Variants in IRGM observed in about 807,000 individuals in gnomAD.
IRGM encodes immunity-related GTPase family M protein.
For missense variants in IRGM, 288 were observed against 219.9 expected (o/e 1.31, Z -1.96); for synonymous variants, 98 against 80.6 (o/e 1.22, Z -1.16).
At position 150,846,601 on chromosome 5, in the gene IRGM, C is replaced by G. The variant is rs545401578; in HGVS notation, c.-1035C>G. The G allele has an allele frequency of 7.2e-5, 11 of 151,942 alleles. No individual in the cohort carries two copies. The highest frequency in any genetic ancestry group is 1.2e-4 in the African/African-American group (5 of 41,208). The allele number at this position is 151,942 out of a possible 1,614,324, so 9.4% of individuals were successfully genotyped here. A position where few individuals can be genotyped will look rare whatever the true frequency, so the allele number is the denominator to read the frequency against. Reference sequence around the variant, plus strand: ...GCAGTAAATCTTGCTGCTGCTCATTCTTTGGGTCCACACTGCCTTTATGAG... The same window carrying G: ...GCAGTAAATCTTGCTGCTGCTCATTGTTTGGGTCCACACTGCCTTTATGAG... On this transcript the variant is annotated 5_prime_UTR_variant, in exon 1 of 2. Coordinates refer to ENST00000522154, the MANE Select transcript of IRGM (RefSeq NM_001145805.2).
At chr5:150,854,047 C>G (rs1471024929) in intron 1 of IRGM, among the ~76,000 whole-genome samples, 1 of 151,906 alleles carries the variant, frequency 6.6e-6, no homozygotes, top group African/African-American at 2.4e-5. Flanking sequence ...TATAGTGACA[C>G]ATTTTGATTA....
chr5:150,867,850 ATTTCT>A (rs1249329891), intron 1 of IRGM, among the ~76,000 whole-genome samples: 2 of 145,404 alleles, frequency 1.4e-5, no homozygotes, highest in Non-Finnish European at 3.0e-5. Flanking sequence ...TTTCTTGCTG[ATTTCT>A]TTTAGTTCCT....
At chr5:150,851,231 G>A (rs138602312), downstream of IRGM, among the ~76,000 whole-genome samples, 6 of 152,224 alleles carry the variant, frequency 3.9e-5, no homozygotes, top group Admixed American at 1.3e-4. Flanking sequence ...CCCTCCTACC[G>A]TTGGTCTTGA....
At chr5:150,895,413 T>C in intron 3 of IRGM, 1 of 1,564,926 alleles carries the variant, frequency 6.4e-7, no homozygotes, top group South Asian at 1.2e-5. Context: ...GGCTTTTCTG[T>C]GGCCAGTTCA....
chr5:150,883,499 C>G (rs1239387862), intron 3 of IRGM, among the ~76,000 whole-genome samples: 3 of 151,342 alleles, frequency 2.0e-5, no homozygotes, highest in Admixed American at 6.6e-5. Context: ...TTGACAAACC[C>G]TTAGCTAGAC....
intron 3 of IRGM, among the ~76,000 whole-genome samples, chr5:150,891,093 G>A (rs934507694): frequency 3.3e-5 from 5 of 152,072 alleles, no homozygotes; most frequent in African/African-American, 1.2e-4. Context: ...ATCAGTTATT[G>A]CTTCATGTAT....
chr5:150,880,682 T>G (rs1754431282), intron 3 of IRGM, among the ~76,000 whole-genome samples: 1 of 152,190 alleles, frequency 6.6e-6, no homozygotes, highest in Admixed American at 6.5e-5. Context: ...TTCAACTGTA[T>G]CACTCAACAT....
intron 1 of IRGM, 69 bp from the exon 2 acceptor site, chr5:150,847,640 G>A (rs192960380): frequency 6.3e-6 from 1 of 158,232 alleles, no homozygotes. Context: ...GAGGGCTGGG[G>A]ATGCTAAAAG....
At chr5:150,867,464 A>G (rs1471003120) in intron 1 of IRGM, among the ~76,000 whole-genome samples, 3 of 152,122 alleles carry the variant, frequency 2.0e-5, no homozygotes, top group Non-Finnish European at 4.4e-5. Flanking sequence ...TCTTTTTTGT[A>G]TAATGACTCC....
At chr5:150,891,306 A>T (rs913107869) in intron 3 of IRGM, among the ~76,000 whole-genome samples, 1 of 151,996 alleles carries the variant, frequency 6.6e-6, no homozygotes, top group Non-Finnish European at 1.5e-5. Context: ...TTTACTTTGA[A>T]TCCATTTATG....
rs982752825 is a variant in IRGM, at chr5:150,897,284, A to C, written c.*141-3305A>C. 1.6e-5 allele frequency: 4 copies of C among 242,432 alleles called. No individual in the cohort carries two copies. In the East Asian group the frequency reaches 3.3e-4, roughly 20 times the overall value. The allele number at this position is 242,432 out of a possible 1,614,324, so 15.0% of individuals were successfully genotyped here. On this transcript the variant is annotated intron_variant and NMD_transcript_variant, in intron 3 of 3. Coordinates refer to the IRGM transcript ENST00000520549. ...GAATAGAAACCCCTTTTCACCTTTTAATTTCATTTATATTATAAATCATGT... is the reference window on the plus strand; with the variant it reads ...GAATAGAAACCCCTTTTCACCTTTTCATTTCATTTATATTATAAATCATGT...
chr5:150,852,261 T>C (rs751330538), downstream of IRGM, among the ~76,000 whole-genome samples: 2 of 152,204 alleles, frequency 1.3e-5, no homozygotes, highest in African/African-American at 2.4e-5. Context: ...CTATAAATTC[T>C]TAGACTCAGC....
At chr5:150,858,862 C>T (rs1337640020) in intron 1 of IRGM, among the ~76,000 whole-genome samples, 3 of 152,152 alleles carry the variant, frequency 2.0e-5, no homozygotes, top group South Asian at 2.1e-4. Context: ...TACAATCATG[C>T]CATCTGCAAA....
intron 3 of IRGM, among the ~76,000 whole-genome samples, chr5:150,886,101 T>C (rs945424412): frequency 1.3e-5 from 2 of 152,040 alleles, no homozygotes; most frequent in Non-Finnish European, 2.9e-5. Context: ...TATGGAGAGC[T>C]TTTAAGATGA....
intron 1 of IRGM, among the ~76,000 whole-genome samples, chr5:150,874,371 G>A (rs538839639): frequency 3.7e-4 from 57 of 152,172 alleles, no homozygotes; most frequent in Non-Finnish European, 3.8e-4. Flanking sequence ...TATGCCAGAG[G>A]ATGGGAAATG....
intron 1 of IRGM, among the ~76,000 whole-genome samples, chr5:150,873,920 C>A (rs1754327008): frequency 6.6e-6 from 1 of 152,222 alleles, no homozygotes; most frequent in Non-Finnish European, 1.5e-5. Context: ...GTGATTCCCA[C>A]TACATCCCAG....
At chr5:150,884,247 T>C (rs867417954) in intron 3 of IRGM, among the ~76,000 whole-genome samples, 2 of 152,116 alleles carry the variant, frequency 1.3e-5, no homozygotes, top group Non-Finnish European at 1.5e-5. Flanking sequence ...TTTATACTTA[T>C]ATTTATACTT....
At chr5:150,872,725 G>C (rs1433179575) in intron 1 of IRGM, among the ~76,000 whole-genome samples, 1 of 152,172 alleles carries the variant, frequency 6.6e-6, no homozygotes, top group Non-Finnish European at 1.5e-5. Context: ...TGCTTGGTTA[G>C]CTGAAATATG....
intron 1 of IRGM, among the ~76,000 whole-genome samples, chr5:150,874,876 G>A (rs770194376): frequency 1.3e-5 from 2 of 152,180 alleles, no homozygotes; most frequent in Non-Finnish European, 2.9e-5. Flanking sequence ...CCTGTCACTG[G>A]GTTTTGGTGG....
Sources: gnomAD v4.1 joint callset for allele counts (sites outside exome capture counted in the v4.1 genomes callset) on GRCh38, gnomAD v4.1.1 for gene constraint, MANE v1.5 for transcripts, NCBI Gene and HGNC (gene_info 2026-07-23, HGNC 2026-07-21) for gene names.